The following CHODL variants were observed in gnomAD, a reference collection of about 807,000 sequenced individuals.
The protein encoded by CHODL is chondrolectin.
A neutral mutation model predicts 34.5 loss-of-function variants in CHODL; 29 were observed. That is an observed-to-expected ratio of 0.84 (90% CI 0.63 to 1.15). The LOEUF (loss-of-function observed/expected upper bound fraction) is 1.15. Among genes scored for constraint, CHODL ranks in the 50% most tolerant of loss-of-function variants. The probability of loss-of-function intolerance (pLI) is 0.00; values close to 1 mark genes in which losing one functional copy is unlikely to be tolerated. For missense variants in CHODL, 332 were observed against 332.5 expected (o/e 1.00, Z 0.01); for synonymous variants, 125 against 116.1 (o/e 1.08, Z -0.49).
chr21:17,980,779 G>A (rs2063707535), intron 1 of CHODL, among the ~76,000 whole-genome samples: 1 of 152,158 alleles, frequency 6.6e-6, no homozygotes, highest in Non-Finnish European at 1.5e-5. Flanking sequence ...TCTCTGAAAT[G>A]CACCGTGTGT....
intron 2 of CHODL, among the ~76,000 whole-genome samples, chr21:18,217,677 T>A (rs1213204642): frequency 6.6e-6 from 1 of 152,130 alleles, no homozygotes. Flanking sequence ...CCCCAAAGTC[T>A]TAACTTATTC....
intron 2 of CHODL, among the ~76,000 whole-genome samples, chr21:18,075,889 A>C (rs1189356103): frequency 6.6e-6 from 1 of 152,160 alleles, no homozygotes; most frequent in Non-Finnish European, 1.5e-5. Flanking sequence ...CCTTTATAAA[A>C]GAGTCTCTAG....
intron 1 of CHODL, among the ~76,000 whole-genome samples, chr21:17,992,856 G>A (rs1310386585): frequency 6.6e-6 from 1 of 150,616 alleles, no homozygotes; most frequent in Non-Finnish European, 1.5e-5. Flanking sequence ...GTTTCTCCAT[G>A]TTGGTCAGAC....
chr21:18,256,636 C>T lies in CHODL; in HGVS notation c.207C>T (p.Leu69=), dbSNP rs1254406412. The T allele has an allele frequency of 6.2e-6, 10 of 1,613,928 alleles. No individual in the cohort carries two copies. Among genetic ancestry groups the T allele is most frequent in the Non-Finnish European group, 7.6e-6 (9 of 1,180,018 alleles). Residue 69 remains leucine (L), a synonymous_variant, in exon 2 of 6, where the codon CTC becomes CTT. Coordinates refer to ENST00000299295, the MANE Select transcript of CHODL (RefSeq NM_024944.3). ...GTGAGAGTGAGGGAGGAGTCCTCCT[C>T]AGCCTTGAGAATGAAGCAGAACAGA... ...LACESEGGVL[L]SLENEAEQKL...
intron 2 of CHODL, among the ~76,000 whole-genome samples, chr21:18,132,090 T>G (rs1226892212): frequency 1.3e-5 from 2 of 152,144 alleles, no homozygotes; most frequent in Non-Finnish European, 1.5e-5. Flanking sequence ...GTTCTTTTTT[T>G]ATTATTATAC....
intron 2 of CHODL, among the ~76,000 whole-genome samples, chr21:18,030,279 A>G (rs1379618148): frequency 2.0e-5 from 3 of 152,212 alleles, no homozygotes; most frequent in Admixed American, 6.5e-5. Context: ...AGAGACCTGC[A>G]TGGCAAGGAA....
intron 2 of CHODL, among the ~76,000 whole-genome samples, chr21:18,107,614 A>G (rs1016269809): frequency 2.0e-5 from 3 of 152,218 alleles, no homozygotes; most frequent in African/African-American, 7.2e-5. Flanking sequence ...GATCAGGAAC[A>G]TAACTGCTGC....
At chr21:18,071,443 C>G (rs139755602) in intron 2 of CHODL, among the ~76,000 whole-genome samples, 5 of 152,204 alleles carry the variant, frequency 3.3e-5, no homozygotes, top group African/African-American at 1.2e-4. Flanking sequence ...CCGCACCCGG[C>G]CAGCTACAGC....
At chr21:18,129,529 TAGAC>T (rs2072626043) in intron 2 of CHODL, among the ~76,000 whole-genome samples, 1 of 152,204 alleles carries the variant, frequency 6.6e-6, no homozygotes, top group African/African-American at 2.4e-5. Flanking sequence ...ATTTGAATAA[TAGAC>T]AGTGAGAGTT....
intron 2 of CHODL, among the ~76,000 whole-genome samples, chr21:18,182,493 C>T (rs1246469447): frequency 1.3e-5 from 2 of 152,152 alleles, no homozygotes; most frequent in African/African-American, 4.8e-5. Flanking sequence ...TCACACTATA[C>T]ATCTTAAATA....
intron 2 of CHODL, among the ~76,000 whole-genome samples, chr21:18,072,995 T>C (rs1294221983): frequency 5.3e-5 from 8 of 152,138 alleles, no homozygotes; most frequent in Non-Finnish European, 1.5e-5. Flanking sequence ...AGCTAAGCCT[T>C]TGGAAGGCTT....
intron 2 of CHODL, among the ~76,000 whole-genome samples, chr21:18,117,691 GAATAAATAAATAAGATAAAATA>G (rs2065429294): frequency 6.7e-6 from 1 of 149,578 alleles, no homozygotes; most frequent in Non-Finnish European, 1.5e-5. Context: ...AATTAAATAA[GAATAAATAAATAAGATAAAATA>G]AATAAATAAA....
chr21:18,000,302 T>G (rs2063893327), intron 1 of CHODL, among the ~76,000 whole-genome samples: 1 of 152,122 alleles, frequency 6.6e-6, no homozygotes, highest in East Asian at 1.9e-4. Flanking sequence ...AAAGGTGAGA[T>G]TCCCTAGATG....
chr21:18,110,463 G>A (rs1010611113), intron 2 of CHODL, among the ~76,000 whole-genome samples: 2 of 152,088 alleles, frequency 1.3e-5, no homozygotes, highest in African/African-American at 4.8e-5. Context: ...TTTGCCTCTT[G>A]GAATGCTCCT....
intron 2 of CHODL, among the ~76,000 whole-genome samples, chr21:18,077,360 G>A (rs2064878654): frequency 6.6e-6 from 1 of 152,176 alleles, no homozygotes; most frequent in Admixed American, 6.5e-5. Context: ...ATATTTATAT[G>A]AGACTTTGGA....
chr21:18,047,881 G>A (rs2064463988), intron 2 of CHODL, among the ~76,000 whole-genome samples: 2 of 151,938 alleles, frequency 1.3e-5, no homozygotes, highest in African/African-American at 2.4e-5. Context: ...AGTGTGGGTG[G>A]TGAGGACAAG....
chr21:18,189,807 G>A (rs2073490122), intron 2 of CHODL, among the ~76,000 whole-genome samples: 1 of 151,834 alleles, frequency 6.6e-6, no homozygotes, highest in Non-Finnish European at 1.5e-5. Context: ...GCTAATTTTT[G>A]TATTTTTAGT....
At chr21:18,196,708 T>C (rs1216151673) in intron 2 of CHODL, among the ~76,000 whole-genome samples, 3 of 152,204 alleles carry the variant, frequency 2.0e-5, no homozygotes, top group Non-Finnish European at 4.4e-5. Flanking sequence ...TATTGCATCA[T>C]ATAAAAATAG....
At chr21:18,142,370 C>A (rs546451747) in intron 2 of CHODL, among the ~76,000 whole-genome samples, 2 of 152,224 alleles carry the variant, frequency 1.3e-5, no homozygotes, top group African/African-American at 4.8e-5. Flanking sequence ...ATCGATCAAC[C>A]TACTTATCCA....
Sources: gnomAD v4.1 joint callset for allele counts (sites outside exome capture counted in the v4.1 genomes callset) on GRCh38, gnomAD v4.1.1 for gene constraint, MANE v1.5 for transcripts, NCBI Gene and HGNC (gene_info 2026-07-23, HGNC 2026-07-21) for gene names.